SLAIN2: variants seen among roughly 807,000 people sequenced by gnomAD.
SLAIN2 encodes the protein SLAIN family member 2, also known as SLAIN motif-containing protein 2.
A neutral mutation model predicts 56.6 loss-of-function variants in SLAIN2; 31 were observed. The ratio of observed to expected loss-of-function variants is 0.55; its 90% CI spans 0.41 to 0.74. The LOEUF is 0.74. Ranked by LOEUF, SLAIN2 falls within the 30% of genes least tolerant of loss-of-function variation. The pLI is 0.00. For synonymous variants in SLAIN2, 317 were observed against 284.9 expected (o/e 1.11, Z -1.13); for missense variants, 777 against 754.2 (o/e 1.03, Z -0.35).
intron 6 of SLAIN2, among the ~76,000 whole-genome samples, chr4:48,384,518 G>A (rs190247243): frequency 6.6e-6 from 1 of 152,228 alleles, no homozygotes; most frequent in Non-Finnish European, 1.5e-5. Context: ...CACTTTTTAA[G>A]AATTGATCAG....
At chr4:48,374,330 G>A (rs1196855967) in intron 2 of SLAIN2, among the ~76,000 whole-genome samples, 4 of 151,952 alleles carry the variant, frequency 2.6e-5, no homozygotes, top group African/African-American at 4.8e-5. Context: ...TCTGCCTCCC[G>A]GGTTCAAGCG....
At chr4:48,394,530 G>C (rs1234663033) in intron 6 of SLAIN2, 10 of 1,433,356 alleles carry the variant, frequency 7.0e-6, no homozygotes, top group African/African-American at 1.4e-5. Flanking sequence ...TGTAGCCTTT[G>C]TCTTGTACTT....
chr4:48,401,933 T>G (rs1047436827), intron 6 of SLAIN2, among the ~76,000 whole-genome samples: 47 of 152,334 alleles, frequency 3.1e-4, no homozygotes, highest in African/African-American at 1.1e-3. Context: ...ATTTAGTGCT[T>G]CCTTCAGGAG....
At chr4:48,343,770 T>G (rs1427555087) in intron 1 of SLAIN2, among the ~76,000 whole-genome samples, 1 of 152,178 alleles carries the variant, frequency 6.6e-6, no homozygotes, top group Non-Finnish European at 1.5e-5. Flanking sequence ...GAATTACTCT[T>G]GAGTATATGA....
At chr4:48,386,100 A>G (rs997059279) in intron 6 of SLAIN2, among the ~76,000 whole-genome samples, 8 of 151,724 alleles carry the variant, frequency 5.3e-5, no homozygotes, top group African/African-American at 1.9e-4. Context: ...GAAAAAAAAA[A>G]AAAAAAAAAG....
chr4:48,394,802 T>C (rs1560461380), intron 6 of SLAIN2: 4 of 655,854 alleles, frequency 6.1e-6, no homozygotes, highest in South Asian at 2.4e-5. Context: ...TATTCTGTTA[T>C]TTGGATAAAT....
At chr4:48,398,683 G>A (rs1577731460) in intron 6 of SLAIN2, among the ~76,000 whole-genome samples, 1 of 152,146 alleles carries the variant, frequency 6.6e-6, no homozygotes, top group South Asian at 2.1e-4. Flanking sequence ...AAGGTGTAAG[G>A]AAGGGGTCTA....
intron 1 of SLAIN2, among the ~76,000 whole-genome samples, chr4:48,357,131 A>G (rs1715178384): frequency 6.6e-6 from 1 of 150,928 alleles, no homozygotes; most frequent in Non-Finnish European, 1.5e-5. Flanking sequence ...ATATATTTAT[A>G]TAAGTATAGT....
intron 1 of SLAIN2, 27 bp downstream of exon 1, chr4:48,342,155 T>TGGGCGGGGACGGGCCCGG (rs1225177179): frequency 5.2e-6 from 7 of 1,333,804 alleles, no homozygotes; most frequent in Non-Finnish European, 5.7e-6. Context: ...GGGCAGGAGC[T>TGGGCGGGGACGGGCCCGG]GGGCGGGGAC....
intron 2 of SLAIN2, among the ~76,000 whole-genome samples, chr4:48,370,566 G>A (rs1309247711): frequency 1.3e-5 from 2 of 152,170 alleles, no homozygotes; most frequent in Non-Finnish European, 2.9e-5. Flanking sequence ...CATTTCCCTT[G>A]TTATGTAAAA....
At chr4:48,369,499 CT>C (rs1715610534) in intron 1 of SLAIN2, among the ~76,000 whole-genome samples, 1 of 152,118 alleles carries the variant, frequency 6.6e-6, no homozygotes, top group Non-Finnish European at 1.5e-5. Context: ...AATTTAGCTC[CT>C]TCTTCTGCTT....
intron 1 of SLAIN2, among the ~76,000 whole-genome samples, chr4:48,360,727 T>C (rs1223742794): frequency 6.6e-6 from 1 of 152,256 alleles, no homozygotes; most frequent in African/African-American, 2.4e-5. Context: ...TTCAGCATAC[T>C]GAAAAGAAAC....
intron 1 of SLAIN2, among the ~76,000 whole-genome samples, chr4:48,368,401 T>C (rs889296645): frequency 2.0e-5 from 3 of 152,170 alleles, no homozygotes. Flanking sequence ...TAGCCAGCAG[T>C]AGGGTAACTA....
chr4:48,384,307 T>C (rs545103191), intron 6 of SLAIN2, among the ~76,000 whole-genome samples: 4 of 152,352 alleles, frequency 2.6e-5, no homozygotes, highest in African/African-American at 9.6e-5. Flanking sequence ...AAAACAAAAG[T>C]ATACCAGGAG....
rs1560467821 is a variant in SLAIN2, at chr4:48,420,415, C to T, written c.1651C>T (p.Arg551Cys). Residue 551 changes from arginine to cysteine, a missense_variant, in exon 7 of 8, where the codon CGC (arginine) becomes TGC (cysteine). By Grantham distance (180) the Arg-to-Cys change is radical. Transcript: ENST00000264313. ...APSAGGIPVP[R>C]SKLAQPVRRS... Reference sequence around the variant, plus strand: ...TTCTGCTGGGGGCATACCAGTGCCTCGCAGCAAACTTGCACAGCCTGTTCG... The same window carrying T: ...TTCTGCTGGGGGCATACCAGTGCCTTGCAGCAAACTTGCACAGCCTGTTCG... The T allele has an allele frequency of 4.3e-6, 7 of 1,613,954 alleles. No individual in the cohort carries two copies. Among genetic ancestry groups the T allele is most frequent in the Admixed American group, 1.7e-5 (1 of 60,016 alleles).
rs534850573 is a variant in SLAIN2 at position 48,356,652 on chromosome 4, A to G, written c.390-13197A>G. ...AGTCTAGGTTGGTCTCACTGTAACT[A>G]GTGTTTCCCAGCATTCCCAGGTGCA... On this transcript the variant is annotated intron_variant, in intron 1 of 7. Transcript: ENST00000264313. 3.3e-5 allele frequency among the ~76,000 whole-genome samples: 5 copies of G among 152,318 alleles called. No individual in the cohort carries two copies. In the East Asian group the frequency reaches 7.7e-4, roughly 23 times the overall value.
chr4:48,379,869 G>A, intron 4 of SLAIN2, 21 bp downstream of exon 4: 1 of 1,511,936 alleles, frequency 6.6e-7, no homozygotes, highest in Non-Finnish European at 8.8e-7. Context: ...TAATTGTTAA[G>A]AGTTGAGGTT....
intron 1 of SLAIN2, among the ~76,000 whole-genome samples, chr4:48,368,064 T>TTTTTTTTTTTTTCA (rs1577717426): frequency 6.8e-6 from 1 of 146,746 alleles, no homozygotes. Context: ...TTTTTTTTTT[T>TTTTTTTTTTTTTCA]GACAGTGTTG....
chr4:48,399,589 A>G (rs1195930788), intron 6 of SLAIN2, among the ~76,000 whole-genome samples: 2 of 152,136 alleles, frequency 1.3e-5, no homozygotes, highest in East Asian at 1.9e-4. Flanking sequence ...GCTGCTTTTC[A>G]AAGGGAATGT....
Sources: allele counts gnomAD v4.1 joint callset (sites outside exome capture counted in the v4.1 genomes callset), GRCh38; gene constraint gnomAD v4.1.1; transcripts MANE v1.5; gene names NCBI Gene and HGNC (gene_info 2026-07-23, HGNC 2026-07-21).